The following AHCYL2 variants were observed in gnomAD, a reference collection of about 807,000 sequenced individuals.
The protein encoded by AHCYL2 is adenosylhomocysteinase like 2.
AHCYL2 carries 28 observed loss-of-function variants against 81.4 expected under a neutral mutation model. The ratio of observed to expected loss-of-function variants is 0.34; its 90% confidence interval spans 0.25 to 0.47. The LOEUF is 0.47. AHCYL2 is among the 20% of genes least tolerant of loss of function. The probability of loss-of-function intolerance (pLI) is 1.00; values close to 1 mark genes in which losing one functional copy is unlikely to be tolerated. For synonymous variants in AHCYL2, 272 were observed against 290.2 expected (o/e 0.94, Z 0.64); for missense variants, 551 against 785.1 (o/e 0.70, Z 3.56).
chr7:129,308,504 A>G (rs1311774752), intron 1 of AHCYL2, among the ~76,000 whole-genome samples: 1 of 152,188 alleles, frequency 6.6e-6, no homozygotes, highest in Non-Finnish European at 1.5e-5. Context: ...TACCTCTTTC[A>G]GTGATATGTA....
chr7:129,306,631 C>T (rs1348961920), intron 1 of AHCYL2, among the ~76,000 whole-genome samples: 1 of 152,084 alleles, frequency 6.6e-6, no homozygotes, highest in Non-Finnish European at 1.5e-5. Flanking sequence ...ATGTTTTCCT[C>T]CTGGTCTTGA....
intron 1 of AHCYL2, among the ~76,000 whole-genome samples, chr7:129,367,863 G>A (rs1160910625): frequency 1.3e-5 from 2 of 152,210 alleles, no homozygotes; most frequent in Non-Finnish European, 2.9e-5. Context: ...CATGCAATAA[G>A]ACTCTAACTT....
chr7:129,400,545 G>A (rs1795981791), intron 6 of AHCYL2, among the ~76,000 whole-genome samples, 161 bp downstream of exon 6: 1 of 152,102 alleles, frequency 6.6e-6, no homozygotes, highest in South Asian at 2.1e-4. Context: ...TTATGCTACG[G>A]GTACCCCAAG....
intron 4 of AHCYL2, among the ~76,000 whole-genome samples, chr7:129,394,998 A>G (rs1010200631): frequency 6.6e-6 from 1 of 151,856 alleles, no homozygotes; most frequent in African/African-American, 2.4e-5. Context: ...ATTTCCTGAC[A>G]GTGGGTTTTT....
intron 12 of AHCYL2, among the ~76,000 whole-genome samples, chr7:129,416,432 A>G (rs1796851891): frequency 1.3e-5 from 2 of 152,226 alleles, no homozygotes; most frequent in Admixed American, 1.3e-4. Context: ...CAGAAAAAAG[A>G]AAAAGTAGAG....
At position 129,426,376 on chromosome 7, in the gene AHCYL2, T is replaced by C. The variant is rs1305760720; in HGVS notation, c.1709-67T>C. 1.2e-6 allele frequency: 2 copies of C among 1,613,044 alleles called. No homozygotes were observed. Among genetic ancestry groups the C allele is most frequent in the Non-Finnish European group, 1.7e-6 (2 of 1,179,296 alleles). On this transcript the variant is annotated intron_variant, in intron 15 of 16. Coordinates refer to ENST00000325006, the MANE Select transcript of AHCYL2 (RefSeq NM_015328.4). This position sits in a 1 kb window ranked among gnomAD's most constrained non-coding sequence, Gnocchi z 4.3. ...GTCTTTGAACTTTTTAAGGCCTAGC[T>C]TGGGGACAATAGCCATCAGATAAAA... is the stretch of plus-strand genomic sequence containing the variant.
chr7:129,299,878 GATAAT>G (rs1797199611), intron 1 of AHCYL2, among the ~76,000 whole-genome samples: 1 of 152,180 alleles, frequency 6.6e-6, no homozygotes, highest in Admixed American at 6.5e-5. Flanking sequence ...CCACGGTTTA[GATAAT>G]TTAAGTTCAA....
At chr7:129,347,337 C>A (rs1793397458) in intron 1 of AHCYL2, among the ~76,000 whole-genome samples, 1 of 152,112 alleles carries the variant, frequency 6.6e-6, no homozygotes, top group Non-Finnish European at 1.5e-5. Flanking sequence ...AACAGATGTA[C>A]CACTCTGGTG....
At chr7:129,251,347 AAG>A (rs1477449241) in intron 1 of AHCYL2, among the ~76,000 whole-genome samples, 1 of 145,610 alleles carries the variant, frequency 6.9e-6, no homozygotes, top group African/African-American at 2.6e-5. Context: ...TTTTTTAAAT[AAG>A]AGTGATTAAA....
chr7:129,410,269 T>G, intron 11 of AHCYL2: 1 of 1,614,122 alleles, frequency 6.2e-7, no homozygotes, highest in Non-Finnish European at 8.5e-7. Flanking sequence ...CTTCCACATC[T>G]TCCTTCTGTT....
chr7:129,383,362 G>T (rs987171304), intron 2 of AHCYL2, among the ~76,000 whole-genome samples: 2 of 151,776 alleles, frequency 1.3e-5, no homozygotes, highest in Non-Finnish European at 2.9e-5. Flanking sequence ...AGAGATAGGG[G>T]TCTCACTTTG....
intron 2 of AHCYL2, 26 bp downstream of exon 2, chr7:129,379,775 A>C: frequency 1.3e-6 from 2 of 1,583,768 alleles, no homozygotes; most frequent in African/African-American, 1.3e-5. Context: ...CTGTGGACCC[A>C]GCTGTTGAGG....
intron 1 of AHCYL2, among the ~76,000 whole-genome samples, chr7:129,264,029 T>G (rs1358582878): frequency 6.6e-6 from 1 of 152,188 alleles, no homozygotes; most frequent in Non-Finnish European, 1.5e-5. Flanking sequence ...TATTTTATTT[T>G]TTATTTTTTT....
At chr7:129,322,327 G>A (rs7782348) in intron 1 of AHCYL2, among the ~76,000 whole-genome samples, 52,998 of 149,120 alleles carry the variant, frequency 0.36, 9,928 homozygotes, top group African/African-American at 0.51. Context: ...TTTAGTAGAG[G>A]CGTGGTTTTG....
At chr7:129,356,851 A>G (rs1372150204) in intron 1 of AHCYL2, among the ~76,000 whole-genome samples, 1 of 152,184 alleles carries the variant, frequency 6.6e-6, no homozygotes, top group African/African-American at 2.4e-5. Flanking sequence ...CATAAAATCC[A>G]TGGGGAAAAG....
chr7:129,309,967 A>G (rs552719166), intron 1 of AHCYL2, among the ~76,000 whole-genome samples: 68 of 152,092 alleles, frequency 4.5e-4, no homozygotes, highest in South Asian at 8.3e-4. Flanking sequence ...AACTCTTTCA[A>G]CTTCCTTCTG....
rs1487718591 is a variant in AHCYL2 at position 129,406,624 on chromosome 7, TGGAG to T, written c.1295+159_1295+162del. Among the ~76,000 whole-genome samples the T allele has an allele frequency of 2.6e-5, 4 of 152,240 alleles. No individual in the cohort carries two copies. In the East Asian group the frequency reaches 5.8e-4, roughly 22 times the overall value. On this transcript the variant is annotated intron_variant, in intron 10 of 16. Transcript: ENST00000325006. The surrounding 1 kb of genome is among the most constrained non-coding windows in gnomAD (Gnocchi z 4.3). ...TTTAAAAAGGTCAAGGAGCTCTGCTTGGAGAGAGCAGAGACTATCAGAAAAGCGA... is the reference window on the plus strand; with the variant it reads ...TTTAAAAAGGTCAAGGAGCTCTGCTTAGAGCAGAGACTATCAGAAAAGCGA...
At chr7:129,284,516 T>C (rs1014809471) in intron 1 of AHCYL2, among the ~76,000 whole-genome samples, 2 of 147,500 alleles carry the variant, frequency 1.4e-5, no homozygotes, top group Non-Finnish European at 3.0e-5. Flanking sequence ...GGAGAATCGC[T>C]GGAACCCAGG....
chr7:129,327,490 G>A (rs989088523), intron 1 of AHCYL2, among the ~76,000 whole-genome samples: 1 of 152,080 alleles, frequency 6.6e-6, no homozygotes, highest in African/African-American at 2.4e-5. Context: ...TATCTGAGAC[G>A]GAGTCTAGCT....
Sources: gnomAD v4.1 joint callset for allele counts (sites outside exome capture counted in the v4.1 genomes callset) on GRCh38, gnomAD v4.1.1 for gene constraint, Gnocchi (gnomAD v3.1) non-coding constraint, MANE v1.5 for transcripts, NCBI Gene and HGNC (gene_info 2026-07-23, HGNC 2026-07-21) for gene names.